RHOH: variants seen among roughly 807,000 people sequenced by gnomAD.
The protein encoded by RHOH is rho-related GTP-binding protein RhoH.
In RHOH, 6 loss-of-function variants were observed where a neutral mutation model predicts 13.8. The ratio of observed to expected loss-of-function variants is 0.44; its 90% CI spans 0.24 to 0.86. The LOEUF is 0.86. Ranked by LOEUF, RHOH falls within the 40% of genes least tolerant of loss-of-function variation. RHOH has a pLI of 0.24. For synonymous variants in RHOH, 117 were observed against 103.0 expected, an observed-to-expected ratio of 1.14 and a Z score of -0.82; for missense variants, 147 against 244.5, an observed-to-expected ratio of 0.60 and a Z score of 2.66.
At chr4:40,204,516 C>G (rs549111155) in intron 1 of RHOH, among the ~76,000 whole-genome samples, 5 of 152,288 alleles carry the variant, frequency 3.3e-5, no homozygotes, top group South Asian at 2.1e-4. Flanking sequence ...GTGATGAGAG[C>G]CAAAGACTTT....
intron 1 of RHOH, among the ~76,000 whole-genome samples, chr4:40,237,598 A>G (rs1316577320): frequency 6.6e-6 from 1 of 152,136 alleles, no homozygotes; most frequent in Non-Finnish European, 1.5e-5. Flanking sequence ...CTGGCTAGAG[A>G]TGGGTTGCTG....
chr4:40,195,382 C>CTTCCTTCT (rs1723025075), upstream of RHOH, among the ~76,000 whole-genome samples: 2 of 135,002 alleles, frequency 1.5e-5, no homozygotes, highest in Admixed American at 7.4e-5. Context: ...TCCTTCCTTC[C>CTTCCTTCT]TTCCTTCCTT....
chr4:40,216,611 A>G (rs1487081767), intron 1 of RHOH, among the ~76,000 whole-genome samples: 1 of 152,232 alleles, frequency 6.6e-6, no homozygotes, highest in East Asian at 1.9e-4. Context: ...CCCAAGCACA[A>G]TGTGTGTACC....
chr4:40,202,070 C>A (rs1246628008), intron 1 of RHOH, among the ~76,000 whole-genome samples: 3 of 151,438 alleles, frequency 2.0e-5, no homozygotes, highest in Non-Finnish European at 4.4e-5. Flanking sequence ...CCTGCCTTAG[C>A]CTCCCAAGTA....
chr4:40,199,503 TATTTTAAGC>T, intron 1 of RHOH, among the ~76,000 whole-genome samples: 1 of 152,328 alleles, frequency 6.6e-6, no homozygotes, highest in Non-Finnish European at 1.5e-5. Context: ...TGGAAACCGC[TATTTTAAGC>T]CATTTGGTAA....
chr4:40,201,948 T>TG (rs971094761), intron 1 of RHOH, among the ~76,000 whole-genome samples: 16 of 133,000 alleles, frequency 1.2e-4, no homozygotes, highest in Non-Finnish European at 1.7e-4. Flanking sequence ...TCCATGAGTT[T>TG]TTTTTTTTTT....
In RHOH at chr4:40,243,647, C is replaced by CCATA; in HGVS notation, c.262_265dup (p.Asn89ThrfsTer2). ...TGCTGATGTGCTACTCTGTGGCCAA[C>CCATA]CATAACTCATTCCTGAACTTGAAGA... On this transcript the variant is annotated frameshift_variant, in exon 3 of 3. Transcript: ENST00000381799. LOFTEE classifies it high-confidence loss of function. The surrounding 1 kb of genome is among the most constrained non-coding windows in gnomAD (Gnocchi z 6.2). The CCATA allele has an allele frequency of 6.2e-7, 1 of 1,614,174 alleles. No individual in the cohort carries two copies. Among genetic ancestry groups the CCATA allele is most frequent in the Non-Finnish European group, 8.5e-7 (1 of 1,180,048 alleles).
At chr4:40,202,521 T>C (rs1243560026) in intron 1 of RHOH, among the ~76,000 whole-genome samples, 1 of 152,204 alleles carries the variant, frequency 6.6e-6, no homozygotes, top group Non-Finnish European at 1.5e-5. Context: ...TGATCTTGAG[T>C]AGTTTTAACA....
In RHOH at chr4:40,243,374, G is replaced by C. The variant is rs1729481680; in HGVS notation, c.-13G>C. The C allele has an allele frequency of 6.4e-7, 1 of 1,565,758 alleles. No individual in the cohort carries two copies. Among genetic ancestry groups the C allele is most frequent in the African/African-American group, 1.4e-5 (1 of 73,686 alleles). ...GGATTCTGGACTTCAGAGTAGGACA[G>C]CAGGCTGGGAAGATGCTGAGTTCCA... is the stretch of plus-strand genomic sequence containing the variant. On this transcript the variant is annotated 5_prime_UTR_variant, in exon 3 of 3. Transcript: ENST00000381799. This position sits in a 1 kb window ranked among gnomAD's most constrained non-coding sequence, Gnocchi z 6.2.
intron 1 of RHOH, among the ~76,000 whole-genome samples, chr4:40,221,178 A>G (rs1439851570): frequency 1.3e-5 from 2 of 152,192 alleles, no homozygotes; most frequent in Non-Finnish European, 1.5e-5. Flanking sequence ...TTTACCCATC[A>G]TTGCAGAGAC....
intron 1 of RHOH, among the ~76,000 whole-genome samples, chr4:40,223,464 A>AG (rs1373328097): frequency 7.8e-6 from 1 of 128,166 alleles, no homozygotes; most frequent in Non-Finnish European, 1.6e-5. Context: ...GATGATTGTT[A>AG]GCTTTTTTTT....
Position 40,238,726 on chromosome 4 carries a change from G to A in RHOH, c.-330-3988G>A, listed in dbSNP as rs148460909. 3.4e-3 allele frequency among the ~76,000 whole-genome samples: 520 copies of A among 152,290 alleles called. 2 individuals carry two copies. Among genetic ancestry groups the A allele is most frequent in the African/African-American group, 0.012 (506 of 41,574 alleles). On this transcript the variant is annotated intron_variant, in intron 1 of 2. Transcript: ENST00000381799. Reference sequence around the variant, plus strand: ...ATCTGATTCAAAGCCTGAGAAGAACGGCCTGGAGGGCCACTCAGTGTCATC... The same window carrying A: ...ATCTGATTCAAAGCCTGAGAAGAACAGCCTGGAGGGCCACTCAGTGTCATC...
intron 1 of RHOH, among the ~76,000 whole-genome samples, chr4:40,238,046 G>A (rs542049610): frequency 8.7e-5 from 13 of 149,618 alleles, no homozygotes; most frequent in African/African-American, 3.2e-4. Context: ...CACCTGATCC[G>A]TATGAGCTCA....
rs1729782491 is a variant in RHOH, at chr4:40,246,594, GT to G, written c.*2633del. 6.6e-6 allele frequency: 1 copy of G among 152,314 alleles called. No individual in the cohort carries two copies. The highest frequency in any genetic ancestry group is 6.5e-5 in the Admixed American group (1 of 15,286). The allele number at this position is 152,314 out of a possible 1,614,324, so 9.4% of individuals were successfully genotyped here. ...TCCTGCTAGACTGCTGTTCTTGAAG[GT>G]AGCACTGCCTCCTGGTCTCCTCAGT... On this transcript the variant is annotated 3_prime_UTR_variant, in exon 3 of 3. Transcript: ENST00000381799.
chr4:40,216,027 G>C (rs1283520668), intron 1 of RHOH, among the ~76,000 whole-genome samples: 1 of 152,142 alleles, frequency 6.6e-6, no homozygotes, highest in East Asian at 1.9e-4. Flanking sequence ...TGAAGCCATC[G>C]GAACTGCAGC....
intron 1 of RHOH, among the ~76,000 whole-genome samples, chr4:40,210,350 A>G (rs2381498): frequency 0.65 from 99,039 of 152,068 alleles, 32,464 homozygotes; most frequent in Admixed American, 0.71. Context: ...ATGGCTCAAT[A>G]AGACTGCCTG....
intron 1 of RHOH, among the ~76,000 whole-genome samples, chr4:40,201,101 C>T (rs1197661051): frequency 1.3e-5 from 2 of 152,014 alleles, no homozygotes; most frequent in Admixed American, 6.6e-5. Context: ...CTGAGAACTA[C>T]GTATAGTCAT....
chr4:40,232,925 C>A (rs1280652291), intron 1 of RHOH, among the ~76,000 whole-genome samples: 1 of 152,196 alleles, frequency 6.6e-6, no homozygotes, highest in Non-Finnish European at 1.5e-5. Flanking sequence ...CAAATCACCA[C>A]TCCTTTCTCC....
At chr4:40,210,396 T>C (rs1283275588) in intron 1 of RHOH, among the ~76,000 whole-genome samples, 1 of 152,146 alleles carries the variant, frequency 6.6e-6, no homozygotes, top group African/African-American at 2.4e-5. Context: ...TGCACGATGA[T>C]TGCTGCAGCT....
Sources: gnomAD v4.1 joint callset for allele counts (sites outside exome capture counted in the v4.1 genomes callset) on GRCh38, gnomAD v4.1.1 for gene constraint, Gnocchi (gnomAD v3.1) non-coding constraint, MANE v1.5 for transcripts, NCBI Gene and HGNC (gene_info 2026-07-23, HGNC 2026-07-21) for gene names.